AFF3: variants seen among roughly 807,000 people sequenced by gnomAD.
AFF3 encodes ALF transcription elongation factor 3, also known as AF4/FMR2 family member 3.
Under a neutral mutation model 129.7 loss-of-function variants are expected in AFF3, and 32 were observed. The ratio of observed to expected loss-of-function variants is 0.25; its 90% CI spans 0.19 to 0.33. The LOEUF is 0.33. Among genes scored for constraint, AFF3 ranks in the 10% least tolerant of loss-of-function variants. The pLI is 1.00. For missense variants in AFF3, 1,373 were observed against 1,592.0 expected, an observed-to-expected ratio of 0.86 and a Z score of 2.34; for synonymous variants, 644 against 635.4, an observed-to-expected ratio of 1.01 and a Z score of -0.20.
intron 4 of AFF3, among the ~76,000 whole-genome samples, chr2:100,041,449 G>A (rs1488776035): frequency 6.6e-6 from 1 of 152,182 alleles, no homozygotes; most frequent in African/African-American, 2.4e-5. Flanking sequence ...CTGAGCTAGA[G>A]TTTATGCTTG....
chr2:100,001,429 T>C (rs1036511405), intron 7 of AFF3, among the ~76,000 whole-genome samples: 2 of 152,226 alleles, frequency 1.3e-5, no homozygotes, highest in African/African-American at 4.8e-5. Flanking sequence ...GTTTTGTTTT[T>C]TGGTTTTTGG....
At chr2:99,734,419 TGCATAAAAGTGGAAC>T (rs1680086566) in intron 10 of AFF3, among the ~76,000 whole-genome samples, 1 of 152,138 alleles carries the variant, frequency 6.6e-6, no homozygotes, top group African/African-American at 2.4e-5. Context: ...AGTATAATGT[TGCATAAAAGTGGAAC>T]TCATGTCTTG....
chr2:99,551,391 C>T lies in AFF3; in HGVS notation c.*83G>A, dbSNP rs1172464195. On this transcript the variant is annotated 3_prime_UTR_variant, in exon 25 of 25. Coordinates refer to ENST00000672756, the MANE Select transcript of AFF3 (RefSeq NM_001386135.1). ...CACCGCAGTCTGATAAATGCTGTGG[C>T]TGGGAGTTTCAGTAGCACAGTGTCC... 1.3e-6 allele frequency: 2 copies of T among 1,552,636 alleles called. No homozygotes were observed. The highest frequency in any genetic ancestry group is 2.3e-5 in the East Asian group (1 of 44,092).
In AFF3 at chr2:99,548,887, A is replaced by G. The variant is rs994410291; in HGVS notation, c.*2587T>C. 3 of 224,648 alleles carry G rather than the reference A, an allele frequency of 1.3e-5. No individual in the cohort carries two copies. The highest frequency in any genetic ancestry group is 7.9e-5 in the African/African-American group (3 of 38,122). 13.9% of individuals were successfully genotyped at this position (224,648 alleles called of 1,614,324 possible). ...AAACCCCACAGAAACTGCTGTACCAACGTGCTCCACACGTGCTCCACAGAT... is the reference window on the plus strand; with the variant it reads ...AAACCCCACAGAAACTGCTGTACCAGCGTGCTCCACACGTGCTCCACAGAT... On this transcript the variant is annotated 3_prime_UTR_variant, in exon 25 of 25. Coordinates refer to ENST00000672756, the MANE Select transcript of AFF3 (RefSeq NM_001386135.1).
chr2:99,663,787 G>A (rs1381251087), intron 12 of AFF3, among the ~76,000 whole-genome samples: 1 of 152,216 alleles, frequency 6.6e-6, no homozygotes, highest in African/African-American at 2.4e-5. Context: ...ATTCAATTTA[G>A]ATCCCTGGTC....
At chr2:99,697,495 G>T (rs1234169347) in intron 11 of AFF3, among the ~76,000 whole-genome samples, 3 of 152,242 alleles carry the variant, frequency 2.0e-5, no homozygotes, top group Non-Finnish European at 4.4e-5. Context: ...CAAATATAGT[G>T]AGGAAGAGCA....
intron 20 of AFF3, among the ~76,000 whole-genome samples, chr2:99,564,224 A>T (rs1675762454): frequency 6.6e-6 from 1 of 151,686 alleles, no homozygotes; most frequent in South Asian, 2.1e-4. Flanking sequence ...AACCCAAAAA[A>T]CTCCCTGTGC....
rs1684587432 is a variant in AFF3, at chr2:99,645,199, G to C, written c.1184+4427C>G. On this transcript the variant is annotated intron_variant, in intron 13 of 24. Coordinates refer to ENST00000672756, the MANE Select transcript of AFF3 (RefSeq NM_001386135.1). The stretch of plus-strand genomic sequence containing the variant: ...AAAGTCCAAAGATTAGCCAGGCATG[G>C]TGGCTACCATGGCACTGGGCAGGGC... 2.6e-5 allele frequency among the ~76,000 whole-genome samples: 4 copies of C among 152,216 alleles called. No homozygotes were observed. The South Asian group carries it at 8.3e-4, about 32-fold the overall frequency.
At chr2:99,763,671 C>T (rs1391455134) in intron 8 of AFF3, among the ~76,000 whole-genome samples, 1 of 152,324 alleles carries the variant, frequency 6.6e-6, no homozygotes, top group Admixed American at 6.5e-5. Flanking sequence ...CATAGTATAG[C>T]ATAGGCTGCT....
chr2:99,916,707 C>A (rs1695498612), intron 7 of AFF3, among the ~76,000 whole-genome samples: 1 of 152,082 alleles, frequency 6.6e-6, no homozygotes, highest in East Asian at 1.9e-4. Flanking sequence ...CATCTCCAGT[C>A]ACGTCCTGAG....
intron 14 of AFF3, among the ~76,000 whole-genome samples, chr2:99,594,676 G>A (rs1679112245): frequency 6.6e-6 from 1 of 152,158 alleles, no homozygotes; most frequent in African/African-American, 2.4e-5. Flanking sequence ...GAGGCCCTGA[G>A]CATAAATCAC....
intron 14 of AFF3, among the ~76,000 whole-genome samples, chr2:99,601,168 C>T (rs1679789274): frequency 6.6e-6 from 1 of 152,080 alleles, no homozygotes; most frequent in Non-Finnish European, 1.5e-5. Context: ...TTATAGCATA[C>T]TTGGAAATTT....
intron 7 of AFF3, among the ~76,000 whole-genome samples, chr2:99,848,923 G>A (rs375511405): frequency 1.3e-5 from 2 of 152,078 alleles, no homozygotes; most frequent in South Asian, 2.1e-4. Context: ...GAGGACACTC[G>A]GAAACCTAGC....
intron 8 of AFF3, among the ~76,000 whole-genome samples, chr2:99,773,922 C>G (rs1683689856): frequency 6.6e-6 from 1 of 152,242 alleles, no homozygotes; most frequent in Admixed American, 6.5e-5. Context: ...ACAAGGATTC[C>G]TATACACCAA....
chr2:100,070,853 G>A (rs1193303748), intron 4 of AFF3, among the ~76,000 whole-genome samples: 4 of 133,120 alleles, frequency 3.0e-5, no homozygotes, highest in Non-Finnish European at 4.8e-5. Flanking sequence ...ACTCCCTGAA[G>A]ACATTTTTTT....
At chr2:99,872,240 C>T (rs546148580) in intron 7 of AFF3, among the ~76,000 whole-genome samples, 4 of 143,920 alleles carry the variant, frequency 2.8e-5, no homozygotes, top group Admixed American at 7.0e-5. Context: ...AAAGGGAAAA[C>T]GGCACATGGC....
In AFF3 at chr2:100,007,298, C is replaced by T. The variant is rs747878274; in HGVS notation, c.337G>A (p.Val113Ile). The change falls in exon 6 of 25, where the codon GTT becomes ATT. Residue 113 changes from valine to isoleucine, a missense_variant. Physicochemically the swap from Val to Ile is conservative, Grantham distance 29. Coordinates refer to ENST00000672756, the MANE Select transcript of AFF3 (RefSeq NM_001386135.1). ...TGGTTCTGGGCTCTTGAATCTGCAACAAAATGTTCATCGATCTTGTTCACA... is the reference window on the plus strand; with the variant it reads ...TGGTTCTGGGCTCTTGAATCTGCAATAAAATGTTCATCGATCTTGTTCACA... ...TPVNKIDEHFVADSRAQNQPS... is the reference protein window; with the variant it reads ...TPVNKIDEHFIADSRAQNQPS... The T allele has an allele frequency of 3.1e-6, 5 of 1,614,120 alleles. No homozygotes were observed. Among genetic ancestry groups the T allele is most frequent in the Non-Finnish European group, 1.7e-6 (2 of 1,180,034 alleles).
At chr2:99,807,309 G>C (rs553410480) in intron 8 of AFF3, among the ~76,000 whole-genome samples, 3 of 152,142 alleles carry the variant, frequency 2.0e-5, no homozygotes, top group African/African-American at 7.2e-5. Context: ...GTTGGCTCCC[G>C]AAGTCTAATA....
rs139074926 is a variant in AFF3, at chr2:99,858,580, C to A, written c.874-21056G>T. Among the ~76,000 whole-genome samples, 186 of 152,138 alleles carry A rather than the reference C, an allele frequency of 1.2e-3. 1 individual carries two copies. Among genetic ancestry groups the A allele is most frequent in the African/African-American group, 4.0e-3 (167 of 41,508 alleles). ...AAAAAAATGCAGCCACAAAAAAGAACGAGATCATGTTCTGTGCAGGGACAT... is the reference window on the plus strand; with the variant it reads ...AAAAAAATGCAGCCACAAAAAAGAAAGAGATCATGTTCTGTGCAGGGACAT... On this transcript the variant is annotated intron_variant, in intron 7 of 24. Coordinates refer to ENST00000672756, the MANE Select transcript of AFF3 (RefSeq NM_001386135.1).
Sources: allele counts gnomAD v4.1 joint callset (sites outside exome capture counted in the v4.1 genomes callset), GRCh38; gene constraint gnomAD v4.1.1; transcripts MANE v1.5; gene names NCBI Gene and HGNC (gene_info 2026-07-23, HGNC 2026-07-21).